The following PRMT9 variants were observed in gnomAD, a reference collection of about 807,000 sequenced individuals.
PRMT9 encodes protein arginine N-methyltransferase 9.
PRMT9 carries 59 observed loss-of-function variants against 83.2 expected under a neutral mutation model. That is an observed-to-expected ratio of 0.71 (90% CI 0.57 to 0.88). The LOEUF (loss-of-function observed/expected upper bound fraction) is 0.88, where lower values mean the gene tolerates loss of function less well. Among genes scored for constraint, PRMT9 ranks in the 40% least tolerant of loss-of-function variants. PRMT9 has a pLI of 0.00. For missense variants in PRMT9, 947 were observed against 1,021.9 expected (o/e 0.93, Z 1.00); for synonymous variants, 333 against 353.2 (o/e 0.94, Z 0.64).
In PRMT9 at chr4:147,668,629, G is replaced by T; in HGVS notation, c.863C>A (p.Ala288Asp). The T allele has an allele frequency of 6.2e-7, 1 of 1,606,584 alleles. No homozygotes were observed. ...LLQPKTKGESANCEKYGKVIP... is the reference protein window; with the variant it reads ...LLQPKTKGESDNCEKYGKVIP... ...AACTTTCCCATACTTTTCACAATTA[G>T]CACTTTCACCTTTGGTCTAAAAAAA... Residue 288 changes from alanine (A) to aspartate (D), a missense_variant, in exon 6 of 12, where the codon GCT becomes GAT. By Grantham distance (126) the Ala-to-Asp change is moderately radical (BLOSUM62 -2). Coordinates refer to ENST00000322396, the MANE Select transcript of PRMT9 (RefSeq NM_138364.4).
intron 3 of PRMT9, 93 bp from the exon 4 acceptor site, chr4:147,673,219 T>C: frequency 8.8e-7 from 1 of 1,138,076 alleles, no homozygotes; most frequent in Non-Finnish European, 1.3e-6. Context: ...GTGGGGTTTT[T>C]CCTTTTATTC....
In PRMT9 at chr4:147,654,440, T is replaced by C; in HGVS notation, c.1457A>G (p.Gln486Arg). 3 of 1,614,134 alleles carry C rather than the reference T, an allele frequency of 1.9e-6. No individual in the cohort carries two copies. The highest frequency in any genetic ancestry group is 2.5e-6 in the Non-Finnish European group (3 of 1,180,034). The change falls in exon 9 of 12, where the codon CAG becomes CGG. Residue 486 changes from glutamine to arginine, a missense_variant. Coordinates refer to ENST00000322396, the MANE Select transcript of PRMT9 (RefSeq NM_138364.4). ...CEMDVAKSFTQNKDLLSLGNE... is the reference protein window; with the variant it reads ...CEMDVAKSFTRNKDLLSLGNE... ...TCCTAACGATAACAAGTCTTTATTC[T>C]GGGTAAAACTTTTTGCAACATCCAT...
chr4:147,644,882 AATAATTATTTTCATTTGCC>A (rs1733635397), intron 9 of PRMT9, among the ~76,000 whole-genome samples: 2 of 152,214 alleles, frequency 1.3e-5, no homozygotes, highest in African/African-American at 4.8e-5. Context: ...CTTTAAACCA[AATAATTATTTTCATTTGCC>A]ACATTTACAA....
chr4:147,671,982 A>G (rs1202770449), intron 4 of PRMT9: 5 of 444,386 alleles, frequency 1.1e-5, no homozygotes, highest in African/African-American at 2.0e-5. Flanking sequence ...ACTTGCCAAC[A>G]CCTTGATCAT....
rs780573267 is a variant in PRMT9, at chr4:147,638,576, T to C, written c.2494A>G (p.Ile832Val). Residue 832 changes from isoleucine to valine, a missense_variant, in exon 12 of 12, where the codon ATT (isoleucine) becomes GTT (valine). Coordinates refer to ENST00000322396, the MANE Select transcript of PRMT9 (RefSeq NM_138364.4). ...VEMGEELVLS[I>V]QHHKSNVSIT... ...CTGACATTGCTTTTGTGATGCTGAA[T>C]GCTGAGTACAAGTTCCTCTCCCATT... The C allele has an allele frequency of 6.2e-7, 1 of 1,613,948 alleles. No individual in the cohort carries two copies. The highest frequency in any genetic ancestry group is 8.5e-7 in the Non-Finnish European group (1 of 1,179,884).
At chr4:147,640,976 G>A (rs1733359471) in intron 10 of PRMT9, among the ~76,000 whole-genome samples, 1 of 152,132 alleles carries the variant, frequency 6.6e-6, no homozygotes, top group Admixed American at 6.5e-5. Flanking sequence ...GCCTCCCAAA[G>A]TGCTGGGAAT....
intron 7 of PRMT9, among the ~76,000 whole-genome samples, chr4:147,658,781 AG>A (rs930088595): frequency 2.6e-5 from 4 of 152,206 alleles, no homozygotes; most frequent in Non-Finnish European, 5.9e-5. Flanking sequence ...CAAATAATAA[AG>A]GAAAGCTTCT....
intron 7 of PRMT9, among the ~76,000 whole-genome samples, chr4:147,658,217 G>A (rs1178315927): frequency 1.3e-5 from 2 of 151,828 alleles, no homozygotes; most frequent in Middle Eastern, 3.4e-3. Flanking sequence ...GATATGGAAA[G>A]AAGTCCATAA....
At chr4:147,675,845 G>C (rs889857220) in intron 2 of PRMT9, among the ~76,000 whole-genome samples, 1 of 152,094 alleles carries the variant, frequency 6.6e-6, no homozygotes, top group Admixed American at 6.6e-5. Context: ...GATGCTACTG[G>C]ACTAACAAAA....
rs115064969 is a variant in PRMT9 at position 147,676,301 on chromosome 4, C to T, written c.339-2427G>A. ...ATAAGTCTTGGAATGTTATGATCACCGTATGTGTATAATCTGGAAATATAA... is the reference window on the plus strand; with the variant it reads ...ATAAGTCTTGGAATGTTATGATCACTGTATGTGTATAATCTGGAAATATAA... On this transcript the variant is annotated intron_variant, in intron 2 of 11. Transcript: ENST00000322396. Among the ~76,000 whole-genome samples the T allele has an allele frequency of 8.6e-3, 1,306 of 152,104 alleles. 20 individuals are homozygous for T. Among genetic ancestry groups the T allele is most frequent in the African/African-American group, 0.03 (1,244 of 41,486 alleles).
chr4:147,652,255 G>C (rs1734157676), intron 9 of PRMT9, among the ~76,000 whole-genome samples: 1 of 151,240 alleles, frequency 6.6e-6, no homozygotes, highest in African/African-American at 2.4e-5. Flanking sequence ...ATTATAAAAA[G>C]GCCTCCACAA....
intron 1 of PRMT9, among the ~76,000 whole-genome samples, chr4:147,682,732 G>A (rs1428544069): frequency 6.6e-6 from 1 of 152,214 alleles, no homozygotes; most frequent in Non-Finnish European, 1.5e-5. Flanking sequence ...TTTTTCTATT[G>A]CTGCCTACCA....
In PRMT9 at chr4:147,661,002, T is replaced by C; in HGVS notation, c.990A>G (p.Pro330=). The C allele has an allele frequency of 1.2e-6, 2 of 1,612,912 alleles. No individual in the cohort carries two copies. Among genetic ancestry groups the C allele is most frequent in the Non-Finnish European group, 8.5e-7 (1 of 1,178,988 alleles). The part of the protein sequence containing the change: ...GIKDIAGIHL[P]TNVKFQSPAY... ...CCGGACTCTGAAATTTCACATTTGT[T>C]GGCAAATGGATACCAGCAATGTCCT... Residue 330 remains proline, a synonymous_variant, in exon 7 of 12, where the codon CCA becomes CCG. Coordinates refer to ENST00000322396, the MANE Select transcript of PRMT9 (RefSeq NM_138364.4).
At chr4:147,671,155 T>A (rs938945968) in intron 4 of PRMT9, among the ~76,000 whole-genome samples, 1 of 152,176 alleles carries the variant, frequency 6.6e-6, no homozygotes, top group African/African-American at 2.4e-5. Context: ...CTACCATCAA[T>A]AACTCCCTAC....
chr4:147,643,697 C>A (rs1733558067), intron 9 of PRMT9, among the ~76,000 whole-genome samples: 1 of 152,118 alleles, frequency 6.6e-6, no homozygotes, highest in Admixed American at 6.5e-5. Flanking sequence ...GTATTAACAT[C>A]AAAAACAATG....
intron 9 of PRMT9, among the ~76,000 whole-genome samples, chr4:147,643,902 G>C (rs1733570144): frequency 6.6e-6 from 1 of 152,152 alleles, no homozygotes; most frequent in Non-Finnish European, 1.5e-5. Context: ...TGAGATGGGA[G>C]GATCGCTTGA....
At chr4:147,652,171 A>G (rs1427849813) in intron 9 of PRMT9, among the ~76,000 whole-genome samples, 2 of 152,148 alleles carry the variant, frequency 1.3e-5, no homozygotes, top group African/African-American at 4.8e-5. Context: ...CTTTGGTACT[A>G]ATTTAACCAA....
intron 6 of PRMT9, among the ~76,000 whole-genome samples, chr4:147,665,916 G>A (rs1735299880): frequency 6.6e-6 from 1 of 152,000 alleles, no homozygotes; most frequent in Non-Finnish European, 1.5e-5. Flanking sequence ...GAACATCCTT[G>A]TACACACATC....
intron 6 of PRMT9, among the ~76,000 whole-genome samples, chr4:147,662,815 CAA>C (rs1209517655): frequency 1.3e-5 from 2 of 151,580 alleles, no homozygotes; most frequent in African/African-American, 4.8e-5. Context: ...ACAAAAAAAA[CAA>C]AAAAGAAAAT....
Sources: allele counts gnomAD v4.1 joint callset (sites outside exome capture counted in the v4.1 genomes callset), GRCh38; gene constraint gnomAD v4.1.1; transcripts MANE v1.5; gene names NCBI Gene and HGNC (gene_info 2026-07-23, HGNC 2026-07-21).